The following CADM2 variants were observed in gnomAD, a reference collection of about 807,000 sequenced individuals.
CADM2 encodes the protein cell adhesion molecule 2.
In CADM2, 12 loss-of-function variants were observed where a neutral mutation model predicts 49.8. The ratio of observed to expected loss-of-function variants is 0.24; its 90% confidence interval spans 0.15 to 0.39. The LOEUF (loss-of-function observed/expected upper bound fraction) is 0.39. Ranked by LOEUF, CADM2 falls within the 10% of genes least tolerant of loss-of-function variation. The pLI is 1.00. For missense variants in CADM2, 378 were observed against 492.3 expected (o/e 0.77, Z 2.20); for synonymous variants, 214 against 175.4 (o/e 1.22, Z -1.74).
intron 1 of CADM2, among the ~76,000 whole-genome samples, chr3:85,529,799 C>A (rs1401956230): frequency 1.3e-5 from 2 of 151,978 alleles, no homozygotes; most frequent in Non-Finnish European, 2.9e-5. Context: ...TACTCAGATT[C>A]ACTCTTCTGG....
At chr3:84,991,299 C>G (rs2032871373) in intron 1 of CADM2, among the ~76,000 whole-genome samples, 1 of 152,012 alleles carries the variant, frequency 6.6e-6, no homozygotes, top group African/African-American at 2.4e-5. Flanking sequence ...GATCCATATT[C>G]TAGGTTCAAA....
At chr3:85,614,377 C>T (rs2063747986) in intron 1 of CADM2, among the ~76,000 whole-genome samples, 1 of 151,124 alleles carries the variant, frequency 6.6e-6, no homozygotes, top group African/African-American at 2.4e-5. Flanking sequence ...AATATATATA[C>T]ACATATATAT....
intron 1 of CADM2, among the ~76,000 whole-genome samples, chr3:85,528,997 A>G (rs2061235955): frequency 1.3e-5 from 2 of 152,308 alleles, no homozygotes; most frequent in Middle Eastern, 3.4e-3. Context: ...AAAACTTTAC[A>G]TGTATCACTT....
chr3:85,605,459 A>T (rs1367930390), intron 1 of CADM2, among the ~76,000 whole-genome samples: 1 of 152,030 alleles, frequency 6.6e-6, no homozygotes. Flanking sequence ...GTTGAAAGGG[A>T]TTTTAGGGCT....
At chr3:85,923,790 TC>T (rs1352651526) in intron 6 of CADM2, among the ~76,000 whole-genome samples, 1 of 152,210 alleles carries the variant, frequency 6.6e-6, no homozygotes, top group Non-Finnish European at 1.5e-5. Flanking sequence ...AATAATCAGC[TC>T]CCTGTGGTTA....
At position 85,006,908 on chromosome 3, in the gene CADM2, C is replaced by T. The variant is rs553927633; in HGVS notation, c.61+47240C>T. 4.7e-3 allele frequency among the ~76,000 whole-genome samples: 717 copies of T among 152,220 alleles called. 5 individuals are homozygous for T. Among genetic ancestry groups the T allele is most frequent in the African/African-American group, 0.017 (690 of 41,538 alleles). On this transcript the variant is annotated intron_variant, in intron 1 of 9. Transcript: ENST00000383699. ...GGCAAACTAATTTCTCTTGCAACAT[C>T]TTGACCATTATACATTCGTGCATTG... is the stretch of plus-strand genomic sequence containing the variant.
chr3:85,398,179 C>A (rs1002856841), intron 1 of CADM2, among the ~76,000 whole-genome samples: 4 of 151,880 alleles, frequency 2.6e-5, no homozygotes, highest in African/African-American at 9.7e-5. Flanking sequence ...ATGACAGGCT[C>A]CAGTGTGTGA....
At chr3:85,524,686 T>C (rs937777209) in intron 1 of CADM2, among the ~76,000 whole-genome samples, 2 of 152,174 alleles carry the variant, frequency 1.3e-5, no homozygotes, top group African/African-American at 4.8e-5. Flanking sequence ...TTACTGATAT[T>C]ATCTTAATTT....
chr3:84,985,481 A>G (rs1004212033), intron 1 of CADM2, among the ~76,000 whole-genome samples: 1 of 152,154 alleles, frequency 6.6e-6, no homozygotes, highest in Non-Finnish European at 1.5e-5. Flanking sequence ...GAGGTAATAT[A>G]CAAAATTTTG....
intron 1 of CADM2, among the ~76,000 whole-genome samples, chr3:85,292,408 G>A (rs1031261035): frequency 2.3e-4 from 34 of 151,066 alleles, no homozygotes; most frequent in African/African-American, 8.3e-4. Context: ...AGGATACCCA[G>A]GAATTGAACT....
At chr3:85,754,778 T>C (rs1357531044) in intron 2 of CADM2, among the ~76,000 whole-genome samples, 1 of 151,820 alleles carries the variant, frequency 6.6e-6, no homozygotes, top group East Asian at 1.9e-4. Flanking sequence ...TTGTCATGAC[T>C]GTCTCAATTT....
intron 5 of CADM2, among the ~76,000 whole-genome samples, chr3:85,896,837 T>C (rs1371212385): frequency 6.6e-6 from 1 of 152,218 alleles, no homozygotes; most frequent in Admixed American, 6.5e-5. Flanking sequence ...AATTTCTGAA[T>C]GCTGTGCTTC....
chr3:85,585,342 A>G (rs2062911534), intron 1 of CADM2, among the ~76,000 whole-genome samples: 1 of 151,942 alleles, frequency 6.6e-6, no homozygotes, highest in South Asian at 2.1e-4. Flanking sequence ...GAAGCCATAA[A>G]GTGCTTCATT....
chr3:85,229,289 C>G (rs1022641241), intron 1 of CADM2, among the ~76,000 whole-genome samples: 7 of 152,160 alleles, frequency 4.6e-5, no homozygotes, highest in African/African-American at 1.7e-4. Flanking sequence ...GAGGGAATCT[C>G]CTGGTATGCT....
At chr3:85,764,805 T>G (rs2107917655) in intron 2 of CADM2, among the ~76,000 whole-genome samples, 1 of 152,198 alleles carries the variant, frequency 6.6e-6, no homozygotes, top group South Asian at 2.1e-4. Context: ...ACTTTTGTAT[T>G]AATTATCTCC....
chr3:85,547,665 C>CATGTAGAAACAACCAACCCT (rs1307204358), intron 1 of CADM2, among the ~76,000 whole-genome samples: 5 of 152,152 alleles, frequency 3.3e-5, no homozygotes, highest in Non-Finnish European at 5.9e-5. Flanking sequence ...CACTGTAACA[C>CATGTAGAAACAACCAACCCT]ATGTAGAAAC....
chr3:85,732,485 C>A (rs566416352), intron 2 of CADM2, among the ~76,000 whole-genome samples: 1 of 152,226 alleles, frequency 6.6e-6, no homozygotes, highest in East Asian at 1.9e-4. Context: ...AGGTGGAAGA[C>A]CCCGAGCTAG....
At chr3:85,398,847 G>A (rs985335460) in intron 1 of CADM2, among the ~76,000 whole-genome samples, 5 of 151,848 alleles carry the variant, frequency 3.3e-5, no homozygotes, top group Non-Finnish European at 5.9e-5. Flanking sequence ...AGTTGTTGAG[G>A]GGGTTGTTTT....
intron 1 of CADM2, among the ~76,000 whole-genome samples, chr3:85,649,592 G>T (rs1218002947): frequency 6.6e-6 from 1 of 152,136 alleles, no homozygotes; most frequent in African/African-American, 2.4e-5. Flanking sequence ...ATGTAGTTAA[G>T]TTACCTTAAG....
Sources: allele counts gnomAD v4.1 joint callset (sites outside exome capture counted in the v4.1 genomes callset), GRCh38; gene constraint gnomAD v4.1.1; transcripts MANE v1.5; gene names NCBI Gene and HGNC (gene_info 2026-07-23, HGNC 2026-07-21).